Variants in MYO5B observed in about 807,000 individuals in gnomAD.
MYO5B encodes unconventional myosin-Vb.
In MYO5B, 143 loss-of-function variants were observed where a neutral mutation model predicts 229.3. That is an observed-to-expected ratio of 0.62 (90% CI 0.54 to 0.72). The LOEUF (loss-of-function observed/expected upper bound fraction) is 0.72, where lower values mean the gene tolerates loss of function less well. MYO5B is among the 30% of genes least tolerant of loss of function. The probability of loss-of-function intolerance (pLI) is 0.00; values close to 1 mark genes in which losing one functional copy is unlikely to be tolerated. For synonymous variants in MYO5B, 918 were observed against 885.2 expected (o/e 1.04, Z -0.66); for missense variants, 2,321 against 2,331.0 (o/e 1.00, Z 0.09).
At chr18:49,996,320 T>C (rs2025986613) in intron 5 of MYO5B, among the ~76,000 whole-genome samples, 1 of 152,230 alleles carries the variant, frequency 6.6e-6, no homozygotes, top group Non-Finnish European at 1.5e-5. Flanking sequence ...ATTCTACTTC[T>C]AGGTGTTACT....
At chr18:50,127,629 G>C (rs2032186996) in intron 1 of MYO5B, among the ~76,000 whole-genome samples, 1 of 152,312 alleles carries the variant, frequency 6.6e-6, no homozygotes, top group East Asian at 1.9e-4. Context: ...ATGTAATCAG[G>C]GAAAACCTCA....
intron 31 of MYO5B, 96 bp downstream of exon 31, chr18:49,853,353 A>C (rs1229518213): frequency 6.4e-6 from 8 of 1,254,080 alleles, no homozygotes; most frequent in Non-Finnish European, 9.3e-6. Flanking sequence ...GCCAAGGGTC[A>C]TGAACCTTGT....
intron 12 of MYO5B, among the ~76,000 whole-genome samples, chr18:49,962,031 T>TC (rs893774703): frequency 6.6e-6 from 1 of 151,948 alleles, no homozygotes; most frequent in African/African-American, 2.4e-5. Flanking sequence ...CCACCCAGGC[T>TC]CCCCCAAGAG....
intron 13 of MYO5B, 117 bp downstream of exon 13, chr18:49,954,196 T>A: frequency 6.7e-7 from 1 of 1,487,228 alleles, no homozygotes; most frequent in Non-Finnish European, 9.3e-7. Flanking sequence ...GGAACCTAGC[T>A]GAGGCTTCAG....
At chr18:50,024,260 A>C (rs954673042) in intron 4 of MYO5B, among the ~76,000 whole-genome samples, 1 of 152,228 alleles carries the variant, frequency 6.6e-6, no homozygotes, top group South Asian at 2.1e-4. Context: ...ATGTGGCTAG[A>C]GAGACTCTAA....
intron 4 of MYO5B, among the ~76,000 whole-genome samples, chr18:50,015,051 T>G (rs1186559892): frequency 1.3e-5 from 2 of 152,164 alleles, no homozygotes; most frequent in Non-Finnish European, 2.9e-5. Context: ...AGCCCTAAGG[T>G]TGACCTTGAC....
intron 21 of MYO5B, among the ~76,000 whole-genome samples, chr18:49,896,413 C>T (rs185924575): frequency 2.0e-5 from 3 of 152,294 alleles, no homozygotes; most frequent in East Asian, 1.9e-4. Context: ...ACCGAATGCA[C>T]GTCTGTATTA....
At chr18:49,968,421 C>T (rs201307361) in intron 10 of MYO5B, among the ~76,000 whole-genome samples, 96 of 149,896 alleles carry the variant, frequency 6.4e-4, no homozygotes, top group East Asian at 7.8e-4. Flanking sequence ...TGCATTCATC[C>T]AAAGACATAA....
chr18:50,013,888 C>G (rs564905462), intron 4 of MYO5B, among the ~76,000 whole-genome samples: 1 of 152,178 alleles, frequency 6.6e-6, no homozygotes, highest in Admixed American at 6.5e-5. Context: ...CTCCTTCCCC[C>G]TCCACTGCCT....
intron 20 of MYO5B, among the ~76,000 whole-genome samples, chr18:49,904,231 A>G (rs141651814): frequency 2.0e-3 from 309 of 152,340 alleles, no homozygotes; most frequent in African/African-American, 7.1e-3. Context: ...CCCTTCTTCA[A>G]GGGTGATTTC....
chr18:50,025,794 C>G (rs1210721747), intron 4 of MYO5B, among the ~76,000 whole-genome samples: 1 of 152,128 alleles, frequency 6.6e-6, no homozygotes, highest in Admixed American at 6.6e-5. Context: ...CGTGGGACAG[C>G]TTTTTCCTCT....
chr18:49,937,360 T>A lies in MYO5B; in HGVS notation c.1790A>T (p.Asp597Val). 1 of 1,614,084 alleles carries A rather than the reference T, an allele frequency of 6.2e-7. No individual in the cohort carries two copies. The part of the protein sequence containing the change: ...LVADLFHDDK[D>V]PVPATTPGKG... ...CCCAGGGGTGGTGGCAGGAACAGGG[T>A]CCTTGTCATCATGAAACAAGTCAGC... Residue 597 changes from aspartate to valine, a missense_variant, in exon 15 of 40, where the codon GAC (aspartate) becomes GTC (valine). This residue lies in a region of MYO5B where 2,113 missense variants were observed against 2,044.7 expected (regional missense o/e 1.03). Transcript: ENST00000285039.
chr18:49,851,097 G>A (rs967851218), intron 31 of MYO5B: 3 of 152,198 alleles, frequency 2.0e-5, no homozygotes, highest in African/African-American at 4.8e-5. Flanking sequence ...TGGGAGGACA[G>A]GCAATAAATG....
At chr18:49,854,756 G>GT (rs1268648626) in intron 30 of MYO5B, among the ~76,000 whole-genome samples, 1 of 152,194 alleles carries the variant, frequency 6.6e-6, no homozygotes, top group African/African-American at 2.4e-5. Flanking sequence ...AAGGCGCCAT[G>GT]TTTTTTACAG....
chr18:50,177,510 T>C (rs1175169541), intron 1 of MYO5B, among the ~76,000 whole-genome samples: 2 of 152,244 alleles, frequency 1.3e-5, no homozygotes, highest in East Asian at 3.8e-4. Flanking sequence ...CAAACAAAAC[T>C]TCAGCCCTAT....
intron 12 of MYO5B, among the ~76,000 whole-genome samples, chr18:49,959,985 C>T (rs1018404946): frequency 3.9e-5 from 6 of 152,068 alleles, no homozygotes; most frequent in African/African-American, 1.4e-4. Flanking sequence ...GGGGCTTTTC[C>T]ACCTCAGGTG....
chr18:50,120,266 G>C (rs1170525125), intron 1 of MYO5B, among the ~76,000 whole-genome samples: 1 of 152,316 alleles, frequency 6.6e-6, no homozygotes, highest in East Asian at 1.9e-4. Flanking sequence ...GTGTAAATGT[G>C]GAAGACTCAA....
intron 18 of MYO5B, among the ~76,000 whole-genome samples, chr18:49,909,532 C>T (rs1221242158): frequency 1.3e-5 from 2 of 152,238 alleles, no homozygotes; most frequent in Admixed American, 6.5e-5. Context: ...CAGCTCTTGG[C>T]TAGTTCCCCA....
chr18:50,022,137 T>C (rs1279118083), intron 4 of MYO5B, among the ~76,000 whole-genome samples: 1 of 140,198 alleles, frequency 7.1e-6, no homozygotes. Context: ...AGAACTTCCA[T>C]CTACCTAGTT....
Sources: gnomAD v4.1 joint callset for allele counts (sites outside exome capture counted in the v4.1 genomes callset) on GRCh38, gnomAD v4.1.1 for gene constraint, gnomAD v4.1.1 regional missense constraint, MANE v1.5 for transcripts, NCBI Gene and HGNC (gene_info 2026-07-23, HGNC 2026-07-21) for gene names.